Variants in TINAG observed in about 807,000 individuals in gnomAD.
TINAG encodes the protein tubulointerstitial nephritis antigen.
A neutral mutation model predicts 72.7 loss-of-function variants in TINAG; 83 were observed. That is an observed-to-expected ratio of 1.14 (90% CI 0.96 to 1.37). The LOEUF is 1.37. Ranked by LOEUF, TINAG falls within the 40% of genes most tolerant of loss-of-function variation. The pLI, the probability that TINAG is intolerant of heterozygous loss-of-function variation, is 0.00. For missense variants in TINAG, 685 were observed against 576.6 expected (o/e 1.19, Z -1.93); for synonymous variants, 234 against 189.9 (o/e 1.23, Z -1.91).
At chr6:54,361,177 T>C (rs1763223909) in intron 9 of TINAG, among the ~76,000 whole-genome samples, 1 of 151,512 alleles carries the variant, frequency 6.6e-6, no homozygotes, top group African/African-American at 2.4e-5. Flanking sequence ...TCCTTAGGCC[T>C]ATCTATTCCC....
intron 9 of TINAG, among the ~76,000 whole-genome samples, chr6:54,362,044 A>T (rs2150968146): frequency 6.6e-6 from 1 of 151,766 alleles, no homozygotes; most frequent in South Asian, 2.1e-4. Flanking sequence ...GGCCGTCTTC[A>T]TAATATAAAA....
intron 4 of TINAG, chr6:54,327,262 C>T: frequency 2.2e-6 from 3 of 1,364,672 alleles, no homozygotes; most frequent in Non-Finnish European, 2.9e-6. Context: ...CGGTTCATCT[C>T]ATTGGGACTG....
chr6:54,367,597 G>A lies in TINAG; in HGVS notation c.1251-12929G>A, dbSNP rs146355349. ...ACAAGTGAAAACTGGAGTAGAAAAT[G>A]GCCCAGAATTAAAGGCGAACGTGTT... On this transcript the variant is annotated intron_variant, in intron 9 of 10. Transcript: ENST00000259782. Among the ~76,000 whole-genome samples, 298 of 151,832 alleles carry A rather than the reference G, an allele frequency of 2.0e-3. 3 individuals are homozygous for A. Among genetic ancestry groups the A allele is most frequent in the African/African-American group, 6.6e-3 (273 of 41,478 alleles).
chr6:54,371,994 T>TGTTTTTTTTTTTG, intron 9 of TINAG, among the ~76,000 whole-genome samples: 3 of 140,958 alleles, frequency 2.1e-5, no homozygotes, highest in African/African-American at 7.8e-5. Context: ...TTTTTTTTTT[T>TGTTTTTTTTTTTG]TTTTTTTTTT....
chr6:54,381,998 T>C (rs2150983408), intron 10 of TINAG, among the ~76,000 whole-genome samples: 1 of 152,218 alleles, frequency 6.6e-6, no homozygotes, highest in East Asian at 1.9e-4. Context: ...GTAGTGTATA[T>C]GTGTACACAC....
At chr6:54,331,191 C>T (rs1338492549) in intron 4 of TINAG, among the ~76,000 whole-genome samples, 1 of 152,088 alleles carries the variant, frequency 6.6e-6, no homozygotes, top group African/African-American at 2.4e-5. Flanking sequence ...TGATGAACAT[C>T]GATGTGAAAA....
rs530213960 is a variant in TINAG, at chr6:54,378,942, A to G, written c.1251-1584A>G. Among the ~76,000 whole-genome samples the G allele has an allele frequency of 1.6e-4, 25 of 152,274 alleles. No individual in the cohort carries two copies. In the South Asian group the frequency reaches 5.2e-3, roughly 32 times the overall value. Reference sequence around the variant, plus strand: ...TTATATTTTGTGTGTGTGTGTCCCAAGAGCCCTACCATAAACTTGTCATCT... The same window carrying G: ...TTATATTTTGTGTGTGTGTGTCCCAGGAGCCCTACCATAAACTTGTCATCT... On this transcript the variant is annotated intron_variant, in intron 9 of 10. Transcript: ENST00000259782.
chr6:54,369,774 A>G (rs1296245829), intron 9 of TINAG: 3 of 152,060 alleles, frequency 2.0e-5, no homozygotes, highest in African/African-American at 7.2e-5. Flanking sequence ...TTCTAGAAAC[A>G]CATAAATTTA....
In TINAG at chr6:54,379,123, T is replaced by C. The variant is rs189974700; in HGVS notation, c.1251-1403T>C. Among the ~76,000 whole-genome samples the C allele has an allele frequency of 2.0e-3, 303 of 152,278 alleles. 2 individuals carry two copies. The highest frequency in any genetic ancestry group is 6.9e-3 in the African/African-American group (285 of 41,576). The stretch of plus-strand genomic sequence containing the variant: ...AATTTAGCTTAAAGGAGCCCTGCTG[T>C]TGGAAGTTTGAATATTAGGTTTAGG... On this transcript the variant is annotated intron_variant, in intron 9 of 10. Transcript: ENST00000259782.
intron 9 of TINAG, among the ~76,000 whole-genome samples, chr6:54,379,129 G>T (rs1411944979): frequency 6.6e-6 from 1 of 152,170 alleles, no homozygotes; most frequent in African/African-American, 2.4e-5. Flanking sequence ...GCTGTTGGAA[G>T]TTTGAATATT....
At chr6:54,332,046 A>C (rs957083133) in intron 4 of TINAG, among the ~76,000 whole-genome samples, 2 of 152,198 alleles carry the variant, frequency 1.3e-5, no homozygotes, top group Admixed American at 6.5e-5. Context: ...TACTGCCTAA[A>C]GTTATTTATA....
intron 9 of TINAG, among the ~76,000 whole-genome samples, chr6:54,369,116 G>A (rs1763527205): frequency 6.6e-6 from 1 of 151,874 alleles, no homozygotes; most frequent in Non-Finnish European, 1.5e-5. Context: ...ATTTCAATAT[G>A]TAATGTTTGT....
At chr6:54,342,710 C>G (rs977538815) in intron 4 of TINAG, among the ~76,000 whole-genome samples, 2 of 152,106 alleles carry the variant, frequency 1.3e-5, no homozygotes, top group African/African-American at 4.8e-5. Flanking sequence ...AAATATCAAC[C>G]AATTCATCCT....
rs540874586 is a variant in TINAG at position 54,344,081 on chromosome 6, T to C, written c.748+732T>C. Among the ~76,000 whole-genome samples, 3 of 152,326 alleles carry C rather than the reference T, an allele frequency of 2.0e-5. No homozygotes were observed. The East Asian group carries it at 5.8e-4, about 29-fold the overall frequency. ...AATTAAATGAAACCTAACATGATGA[T>C]TGGCTGTCATTCAATTATCTTCATA... On this transcript the variant is annotated intron_variant, in intron 5 of 10. Coordinates refer to ENST00000259782, the MANE Select transcript of TINAG (RefSeq NM_014464.4).
At chr6:54,382,762 G>T (rs957071708) in intron 10 of TINAG, among the ~76,000 whole-genome samples, 2 of 152,092 alleles carry the variant, frequency 1.3e-5, no homozygotes, top group African/African-American at 4.8e-5. Flanking sequence ...TGTCTACACA[G>T]GTAGCAGTGT....
At chr6:54,372,074 C>A (rs1181775764) in intron 9 of TINAG, among the ~76,000 whole-genome samples, 1 of 141,896 alleles carries the variant, frequency 7.0e-6, no homozygotes, top group African/African-American at 2.5e-5. Context: ...TCACTGCAAC[C>A]TCCGCCTCCT....
At chr6:54,361,311 T>C (rs1044680774) in intron 9 of TINAG, among the ~76,000 whole-genome samples, 1 of 151,644 alleles carries the variant, frequency 6.6e-6, no homozygotes, top group African/African-American at 2.4e-5. Context: ...TGAGACTGGG[T>C]AGTTTATAAA....
At chr6:54,352,059 G>A (rs1028676202) in intron 8 of TINAG, among the ~76,000 whole-genome samples, 4 of 151,734 alleles carry the variant, frequency 2.6e-5, no homozygotes, top group African/African-American at 9.7e-5. Flanking sequence ...ACCTGAATAA[G>A]GGTATACTCA....
At chr6:54,371,140 C>CAG (rs1430050248) in intron 9 of TINAG, among the ~76,000 whole-genome samples, 2 of 131,284 alleles carry the variant, frequency 1.5e-5, no homozygotes, top group Non-Finnish European at 3.4e-5. Flanking sequence ...GTGTGTGTGT[C>CAG]AGAGAGAGAG....
Sources: gnomAD v4.1 joint callset for allele counts (sites outside exome capture counted in the v4.1 genomes callset) on GRCh38, gnomAD v4.1.1 for gene constraint, MANE v1.5 for transcripts, NCBI Gene and HGNC (gene_info 2026-07-23, HGNC 2026-07-21) for gene names.